EGLN1: variants seen among roughly 807,000 people sequenced by gnomAD.
The protein encoded by EGLN1 is egl nine homolog 1.
In EGLN1, 17 loss-of-function variants were observed where a neutral mutation model predicts 38.3. That is an observed-to-expected ratio of 0.44 (90% CI 0.30 to 0.67). The LOEUF is 0.67. EGLN1 is among the 30% of genes least tolerant of loss of function. The pLI, the probability that EGLN1 is intolerant of heterozygous loss-of-function variation, is 0.08. For synonymous variants in EGLN1, 283 were observed against 257.5 expected (o/e 1.10, Z -0.95); for missense variants, 477 against 603.3 (o/e 0.79, Z 2.19).
chr1:231,370,494 G>A (rs920007920), intron 3 of EGLN1, 68 bp downstream of exon 3: 14 of 1,553,212 alleles, frequency 9.0e-6, no homozygotes, highest in Admixed American at 8.3e-5. Flanking sequence ...AAGCTTTCAC[G>A]TTTACTCTAC....
chr1:231,415,597 T>C (rs377563227), intron 1 of EGLN1, among the ~76,000 whole-genome samples: 75 of 152,302 alleles, frequency 4.9e-4, no homozygotes, highest in African/African-American at 1.7e-3. Context: ...AGCAAATTTT[T>C]TAAATGGGAG....
chr1:231,408,192 A>G (rs906295142), intron 1 of EGLN1, among the ~76,000 whole-genome samples: 4 of 152,164 alleles, frequency 2.6e-5, no homozygotes, highest in Non-Finnish European at 4.4e-5. Flanking sequence ...GTTCGGGAGG[A>G]TATCTGGGAA....
At chr1:231,415,839 T>G (rs1378828575) in intron 1 of EGLN1, among the ~76,000 whole-genome samples, 2 of 146,984 alleles carry the variant, frequency 1.4e-5, no homozygotes, top group African/African-American at 2.6e-5. Flanking sequence ...CAGAACCAAA[T>G]CCATTATCTT....
chr1:231,412,574 G>A (rs145215717), intron 1 of EGLN1, among the ~76,000 whole-genome samples: 1 of 152,272 alleles, frequency 6.6e-6, no homozygotes, highest in East Asian at 1.9e-4. Flanking sequence ...GTGTTGCAAG[G>A]TTTCCTGCAA....
intron 1 of EGLN1, among the ~76,000 whole-genome samples, chr1:231,399,423 A>G (rs1688609913): frequency 6.6e-6 from 1 of 152,220 alleles, no homozygotes; most frequent in South Asian, 2.1e-4. Context: ...TCCTTATTAC[A>G]TATAGAGAAG....
chr1:231,402,270 G>C (rs1259800411), intron 1 of EGLN1, among the ~76,000 whole-genome samples: 4 of 151,968 alleles, frequency 2.6e-5, no homozygotes, highest in African/African-American at 7.2e-5. Flanking sequence ...TTTTCTTAAT[G>C]GTATCTTTGG....
intron 1 of EGLN1, among the ~76,000 whole-genome samples, chr1:231,383,325 G>T (rs143158508): frequency 6.6e-6 from 1 of 152,004 alleles, no homozygotes; most frequent in Non-Finnish European, 1.5e-5. Context: ...CCTAATACCC[G>T]TAAACAACTA....
chr1:231,368,369 G>A (rs756549701), intron 3 of EGLN1, among the ~76,000 whole-genome samples: 1 of 152,148 alleles, frequency 6.6e-6, no homozygotes, highest in Non-Finnish European at 1.5e-5. Context: ...AGTAATGATG[G>A]ATGTTTACAA....
intron 3 of EGLN1, chr1:231,369,611 G>A (rs1287623403): frequency 1.0e-6 from 1 of 984,870 alleles, no homozygotes; most frequent in East Asian, 1.1e-4. Flanking sequence ...ACGTGAATTA[G>A]GATGCAGGCA....
rs145743493 is a variant in EGLN1, at chr1:231,421,247, G to T, written c.642C>A (p.Leu214=). ...CGATCTGCTGTCCGGTCTCCTTGCC[G>T]AGGAAGTCGTCCACCACACAGATGC... ...KHGICVVDDF[L]GKETGQQIGD... The change falls in exon 1 of 5, where the codon CTC becomes CTA. Residue 214 remains leucine (L), a synonymous_variant. Transcript: ENST00000366641. This position sits in a 1 kb window ranked among gnomAD's most constrained non-coding sequence, Gnocchi z 5.5. 12 of 1,613,754 alleles carry T rather than the reference G, an allele frequency of 7.4e-6. No individual in the cohort carries two copies. Among genetic ancestry groups the T allele is most frequent in the Non-Finnish European group, 1.0e-5 (12 of 1,180,022 alleles).
At chr1:231,392,205 T>C (rs1284760030) in intron 1 of EGLN1, among the ~76,000 whole-genome samples, 1 of 152,030 alleles carries the variant, frequency 6.6e-6, no homozygotes, top group African/African-American at 2.4e-5. Flanking sequence ...GAGAATGGCG[T>C]GAACCTGGGA....
intron 1 of EGLN1, among the ~76,000 whole-genome samples, chr1:231,384,096 A>G (rs11122281): frequency 0.55 from 82,887 of 151,978 alleles, 24,228 homozygotes; most frequent in Non-Finnish European, 0.65. Flanking sequence ...TGAGAATGGA[A>G]AGGACAGGGC....
rs1285711944 is a variant in EGLN1, at chr1:231,421,959, C to G, written c.-71G>C. The G allele has an allele frequency of 2.3e-6, 3 of 1,325,586 alleles. No homozygotes were observed. In the Admixed American group the frequency reaches 1.3e-4, roughly 56 times the overall value. 82.1% of individuals were successfully genotyped at this position (1,325,586 alleles called of 1,614,324 possible). A position where few individuals can be genotyped will look rare whatever the true frequency, so the allele number is the denominator to read the frequency against. ...GGGGTAGCGGCCGGACGGCCTCGCC[C>G]GAGGCTGGGGAGCGGGGAGAGAGAT... is the stretch of plus-strand genomic sequence containing the variant. On this transcript the variant is annotated 5_prime_UTR_variant, in exon 1 of 5. Coordinates refer to ENST00000366641, the MANE Select transcript of EGLN1 (RefSeq NM_022051.3). The surrounding 1 kb of genome is among the most constrained non-coding windows in gnomAD (Gnocchi z 5.5).
chr1:231,399,515 G>A (rs1377918765), intron 1 of EGLN1, among the ~76,000 whole-genome samples: 1 of 152,176 alleles, frequency 6.6e-6, no homozygotes, highest in East Asian at 1.9e-4. Context: ...AATGGTTCAA[G>A]AGATCACAGA....
intron 1 of EGLN1, among the ~76,000 whole-genome samples, chr1:231,390,714 C>T (rs909772064): frequency 6.6e-6 from 1 of 152,240 alleles, no homozygotes; most frequent in African/African-American, 2.4e-5. Flanking sequence ...TGTCTGTCTT[C>T]AAGTTGCTAA....
At chr1:231,420,969 TC>T (rs757540007) in intron 1 of EGLN1, 28 bp downstream of exon 1, 32 of 1,613,520 alleles carry the variant, frequency 2.0e-5, no homozygotes, top group Non-Finnish European at 2.6e-5. Context: ...GAAGGGCCTG[TC>T]CAGCACAAAC....
chr1:231,416,535 T>G (rs991652180), intron 1 of EGLN1, among the ~76,000 whole-genome samples: 1 of 151,826 alleles, frequency 6.6e-6, no homozygotes, highest in Non-Finnish European at 1.5e-5. Flanking sequence ...GCCTGGCTAA[T>G]TTTTTAATTT....
In EGLN1 at chr1:231,421,393, T is replaced by C. The variant is rs1489605305; in HGVS notation, c.496A>G (p.Ser166Gly). The change falls in exon 1 of 5, where the codon AGC becomes GGC. Residue 166 changes from serine (S) to glycine (G), a missense_variant. Coordinates refer to ENST00000366641, the MANE Select transcript of EGLN1 (RefSeq NM_022051.3). This position sits in a 1 kb window ranked among gnomAD's most constrained non-coding sequence, Gnocchi z 5.5. ...FQEKANLYPP[S>G]NTPGDALSPG... is the part of the protein sequence containing the mutation. ...CTCAGCGCATCCCCGGGCGTGTTGC[T>C]TGGGGGGTACAGGTTCGCCTTCTCC... 31 of 1,605,092 alleles carry C rather than the reference T, an allele frequency of 1.9e-5. No individual in the cohort carries two copies. Among genetic ancestry groups the C allele is most frequent in the Non-Finnish European group, 2.6e-5 (31 of 1,175,162 alleles).
chr1:231,367,698 C>T, intron 3 of EGLN1, 62 bp from the exon 4 acceptor site: 5 of 1,474,118 alleles, frequency 3.4e-6, no homozygotes, highest in Non-Finnish European at 4.7e-6. Context: ...TGGTATTTTG[C>T]TGCAATGGTA....
Sources: gnomAD v4.1 joint callset for allele counts (sites outside exome capture counted in the v4.1 genomes callset) on GRCh38, gnomAD v4.1.1 for gene constraint, Gnocchi (gnomAD v3.1) non-coding constraint, MANE v1.5 for transcripts, NCBI Gene and HGNC (gene_info 2026-07-23, HGNC 2026-07-21) for gene names.